GLRA1: variants seen among roughly 807,000 people sequenced by gnomAD.
GLRA1 encodes glycine receptor subunit alpha-1.
Under a neutral mutation model 48.3 loss-of-function variants are expected in GLRA1, and 37 were observed. The observed-to-expected ratio is 0.77, with a 90% CI of 0.59 to 1.01. GLRA1 has a LOEUF of 1.01. Among genes scored for constraint, GLRA1 ranks in the 50% least tolerant of loss-of-function variants. The pLI, the probability that GLRA1 is intolerant of heterozygous loss-of-function variation, is 0.00. For synonymous variants in GLRA1, 196 were observed against 210.7 expected (o/e 0.93, Z 0.60); for missense variants, 427 against 571.0 (o/e 0.75, Z 2.57).
intron 1 of GLRA1, among the ~76,000 whole-genome samples, chr5:151,924,037 C>G (rs1483139025): frequency 6.6e-6 from 1 of 152,110 alleles, no homozygotes; most frequent in Non-Finnish European, 1.5e-5. Flanking sequence ...GCAACCTTCC[C>G]CGTCACCGCT....
chr5:151,847,611 C>T lies in GLRA1; in HGVS notation c.912+3779G>A, dbSNP rs189263618. Among the ~76,000 whole-genome samples, 7 of 151,704 alleles carry T rather than the reference C, an allele frequency of 4.6e-5. No homozygotes were observed. In the East Asian group the frequency reaches 7.7e-4, roughly 17 times the overall value. On this transcript the variant is annotated intron_variant, in intron 7 of 8. Transcript: ENST00000274576. ...GCGCGTGCCTGTAGTCCCAGCTACCCGGGAGGCTGAGGCAGGAGAATCGCT... is the reference window on the plus strand; with the variant it reads ...GCGCGTGCCTGTAGTCCCAGCTACCTGGGAGGCTGAGGCAGGAGAATCGCT...
intron 1 of GLRA1, among the ~76,000 whole-genome samples, chr5:151,902,447 C>T (rs1483446667): frequency 1.3e-5 from 2 of 151,950 alleles, no homozygotes; most frequent in African/African-American, 4.8e-5. Context: ...TTTGTTTTAC[C>T]CTTTTCTCAG....
chr5:151,877,406 C>A (rs943125739), intron 3 of GLRA1, among the ~76,000 whole-genome samples: 5 of 151,966 alleles, frequency 3.3e-5, no homozygotes, highest in African/African-American at 1.2e-4. Context: ...GAGCCTAATG[C>A]CAAATTTAGC....
At chr5:151,835,027 C>CAAAAAAAAAAAAAAAAA (rs60718344) in intron 7 of GLRA1, among the ~76,000 whole-genome samples, 1 of 52,530 alleles carries the variant, frequency 1.9e-5, no homozygotes, top group Non-Finnish European at 3.4e-5. Context: ...GACAACATCT[C>CAAAAAAAAAAAAAAAAA]AAAAAAAAAA....
At chr5:151,902,243 C>T (rs536949508) in intron 1 of GLRA1, among the ~76,000 whole-genome samples, 10 of 151,998 alleles carry the variant, frequency 6.6e-5, no homozygotes, top group Non-Finnish European at 1.5e-4. Context: ...CACTGAGGCT[C>T]GATTGAAAGG....
intron 1 of GLRA1, among the ~76,000 whole-genome samples, chr5:151,903,200 G>T (rs1754404321): frequency 6.6e-6 from 1 of 152,180 alleles, no homozygotes; most frequent in African/African-American, 2.4e-5. Context: ...AGTATCCAAA[G>T]ACTATGATTC....
At chr5:151,853,999 A>G (rs576182862) in intron 6 of GLRA1, among the ~76,000 whole-genome samples, 21 of 152,338 alleles carry the variant, frequency 1.4e-4, no homozygotes, top group African/African-American at 4.6e-4. Context: ...TCAGAACATC[A>G]CGTTGCATAC....
intron 3 of GLRA1, among the ~76,000 whole-genome samples, chr5:151,885,264 G>T (rs1276625545): frequency 1.3e-5 from 2 of 152,230 alleles, no homozygotes; most frequent in African/African-American, 4.8e-5. Flanking sequence ...TTGAGTATCT[G>T]TTATTGAATC....
At chr5:151,908,849 G>A (rs138424985) in intron 1 of GLRA1, among the ~76,000 whole-genome samples, 1 of 152,216 alleles carries the variant, frequency 6.6e-6, no homozygotes, top group African/African-American at 2.4e-5. Context: ...CCTCCTCAGA[G>A]TCTCTATCTA....
intron 7 of GLRA1, among the ~76,000 whole-genome samples, chr5:151,840,832 A>G (rs184189987): frequency 2.0e-5 from 3 of 152,098 alleles, no homozygotes. Flanking sequence ...ATCAAGAAAT[A>G]TAACAATTAT....
At position 151,857,201 on chromosome 5, in the gene GLRA1, T is replaced by C. The variant is rs1165326316; in HGVS notation, c.477-818A>G. ...TGCCCAGCCTAGACAAAGCCCCCGA[T>C]GGCTGCTGGGATGCAGCACCTTTGG... is the stretch of plus-strand genomic sequence containing the variant. On this transcript the variant is annotated intron_variant, in intron 4 of 8. Transcript: ENST00000274576. 5.3e-5 allele frequency among the ~76,000 whole-genome samples: 8 copies of C among 152,248 alleles called. No homozygotes were observed. The South Asian group carries it at 1.7e-3, about 31-fold the overall frequency.
Position 151,822,871 on chromosome 5 carries a change from G to A in GLRA1, c.1152C>T (p.Gly384=), listed in dbSNP as rs570002981. 90 of 1,614,046 alleles carry A rather than the reference G, an allele frequency of 5.6e-5. No individual in the cohort carries two copies. In the South Asian group the frequency reaches 8.9e-4, roughly 16 times the overall value. The change falls in exon 9 of 9, where the codon GGC becomes GGT. Residue 384 remains glycine, a synonymous_variant. Transcript: ENST00000274576. Reference sequence around the variant, plus strand: ...GGTTGGTGGTGTTACTGTTGTTGGCGCCCTTGACTGAGATGCCATCCTTGG... The same window carrying A: ...GGTTGGTGGTGTTACTGTTGTTGGCACCCTTGACTGAGATGCCATCCTTGG... ...LQAKDGISVK[G]ANNSNTTNPP...
chr5:151,879,914 A>C (rs947081755), intron 3 of GLRA1, among the ~76,000 whole-genome samples: 9 of 152,268 alleles, frequency 5.9e-5, no homozygotes, highest in African/African-American at 2.2e-4. Context: ...GTGGGAGATA[A>C]TTGAATCGTT....
chr5:151,905,664 C>A (rs1282501917), intron 1 of GLRA1, among the ~76,000 whole-genome samples: 2 of 152,094 alleles, frequency 1.3e-5, no homozygotes, highest in African/African-American at 4.8e-5. Flanking sequence ...CCCCCCAGGA[C>A]CAGCAACTTG....
intron 7 of GLRA1, chr5:151,848,865 C>A: frequency 3.3e-6 from 2 of 608,668 alleles, no homozygotes; most frequent in East Asian, 3.7e-5. Flanking sequence ...GCCTGCTCAG[C>A]GCCCAGAACA....
intron 8 of GLRA1, among the ~76,000 whole-genome samples, chr5:151,828,689 A>G (rs996487993): frequency 2.0e-5 from 3 of 152,184 alleles, no homozygotes; most frequent in African/African-American, 7.2e-5. Context: ...ATAACTTGAT[A>G]ATTTCTGTAG....
At chr5:151,879,893 G>A (rs1753720044) in intron 3 of GLRA1, among the ~76,000 whole-genome samples, 1 of 152,172 alleles carries the variant, frequency 6.6e-6, no homozygotes, top group Non-Finnish European at 1.5e-5. Flanking sequence ...ATGTGTTATG[G>A]ATGGGACCTG....
At chr5:151,888,361 G>A (rs1207575328) in intron 2 of GLRA1, among the ~76,000 whole-genome samples, 1 of 152,184 alleles carries the variant, frequency 6.6e-6, no homozygotes, top group Non-Finnish European at 1.5e-5. Context: ...CATAACTCCA[G>A]CACTCACTGG....
At position 151,835,379 on chromosome 5, in the gene GLRA1, T is replaced by C. The variant is rs186111098; in HGVS notation, c.913-6312A>G. Among the ~76,000 whole-genome samples, 250 of 152,286 alleles carry C rather than the reference T, an allele frequency of 1.6e-3. 1 individual carries two copies. The highest frequency in any genetic ancestry group is 5.1e-3 in the African/African-American group (214 of 41,556). ...GCTGGTACCATTCATTCTGAAACTA[T>C]TCCAAACAATAGAAAAAGAGGGACT... On this transcript the variant is annotated intron_variant, in intron 7 of 8. Transcript: ENST00000274576.
Sources: allele counts gnomAD v4.1 joint callset (sites outside exome capture counted in the v4.1 genomes callset), GRCh38; gene constraint gnomAD v4.1.1; transcripts MANE v1.5; gene names NCBI Gene and HGNC (gene_info 2026-07-23, HGNC 2026-07-21).